Variants in KITLG observed in about 807,000 individuals in gnomAD.
The protein encoded by KITLG is KIT ligand.
Under a neutral mutation model 34.1 loss-of-function variants are expected in KITLG, and 13 were observed. The ratio of observed to expected loss-of-function variants is 0.38; its 90% CI spans 0.25 to 0.61. The LOEUF (loss-of-function observed/expected upper bound fraction) is 0.61, where lower values mean the gene tolerates loss of function less well. Ranked by LOEUF, KITLG falls within the 20% of genes least tolerant of loss-of-function variation. The pLI, the probability that KITLG is intolerant of heterozygous loss-of-function variation, is 0.60. For missense variants in KITLG, 292 were observed against 318.9 expected, an observed-to-expected ratio of 0.92 and a Z score of 0.64; for synonymous variants, 110 against 104.0, an observed-to-expected ratio of 1.06 and a Z score of -0.35.
intron 2 of KITLG, among the ~76,000 whole-genome samples, chr12:88,536,976 G>A (rs1870342181): frequency 6.6e-6 from 1 of 152,058 alleles, no homozygotes; most frequent in Admixed American, 6.6e-5. Flanking sequence ...AGAACTTAAA[G>A]TATAATTTAA....
intron 1 of KITLG, among the ~76,000 whole-genome samples, chr12:88,559,509 A>G (rs965760854): frequency 6.6e-6 from 1 of 152,176 alleles, no homozygotes; most frequent in Non-Finnish European, 1.5e-5. Flanking sequence ...AAAATTCCAC[A>G]GGCCATCAAA....
rs539897090 is a variant in KITLG, at chr12:88,576,573, T to A, written c.15+3691A>T. 9.9e-5 allele frequency among the ~76,000 whole-genome samples: 15 copies of A among 152,274 alleles called. No individual in the cohort carries two copies. The South Asian group carries it at 3.1e-3, about 32-fold the overall frequency. On this transcript the variant is annotated intron_variant, in intron 1 of 9. Transcript: ENST00000644744. Reference sequence around the variant, plus strand: ...AGAAAAATCTTTATAACTTTTATAATCATCATACAGATTACAAAAAACAGA... The same window carrying A: ...AGAAAAATCTTTATAACTTTTATAAACATCATACAGATTACAAAAAACAGA...
At chr12:88,567,128 G>A (rs1871468313) in intron 1 of KITLG, among the ~76,000 whole-genome samples, 1 of 152,096 alleles carries the variant, frequency 6.6e-6, no homozygotes, top group Non-Finnish European at 1.5e-5. Context: ...CTTAAAAGCA[G>A]GGACTTTAAT....
rs921676726 is a variant in KITLG, at chr12:88,525,901, A to G, written c.192+6540T>C. Among the ~76,000 whole-genome samples, 10 of 152,326 alleles carry G rather than the reference A, an allele frequency of 6.6e-5. No individual in the cohort carries two copies. The East Asian group carries it at 1.9e-3, about 29-fold the overall frequency. On this transcript the variant is annotated intron_variant, in intron 3 of 9. Transcript: ENST00000644744. ...AAAGAGCAGAAAATGTCCTTGTGTG[A>G]AAGAGAAATCTTAAACTGACCTTGG...
rs1427001923 is a variant in KITLG at position 88,496,131 on chromosome 12, GAT to G, written c.*1086_*1087del. 6.6e-6 allele frequency: 1 copy of G among 152,106 alleles called. No homozygotes were observed. The highest frequency in any genetic ancestry group is 2.4e-5 in the African/African-American group (1 of 41,412). 9.4% of individuals were successfully genotyped at this position (152,106 alleles called of 1,614,324 possible). A position where few individuals can be genotyped will look rare whatever the true frequency, so the allele number is the denominator to read the frequency against. Reference sequence around the variant, plus strand: ...ATGGATCCTTTAAACAGATAATGGTGATTATACTATAAATAACTAAAGTTTCC... The same window carrying G: ...ATGGATCCTTTAAACAGATAATGGTGTATACTATAAATAACTAAAGTTTCC... On this transcript the variant is annotated 3_prime_UTR_variant, in exon 10 of 10. Coordinates refer to ENST00000644744, the MANE Select transcript of KITLG (RefSeq NM_000899.5).
At chr12:88,540,682 A>G (rs956116109) in intron 2 of KITLG, among the ~76,000 whole-genome samples, 1 of 152,152 alleles carries the variant, frequency 6.6e-6, no homozygotes, top group African/African-American at 2.4e-5. Flanking sequence ...CATATTATCC[A>G]AGTAGTTTAT....
chr12:88,517,054 T>C (rs962351992), intron 4 of KITLG, among the ~76,000 whole-genome samples: 5 of 152,032 alleles, frequency 3.3e-5, no homozygotes, highest in African/African-American at 1.2e-4. Flanking sequence ...CTATTGCACA[T>C]ATATACCATC....
intron 3 of KITLG, among the ~76,000 whole-genome samples, chr12:88,528,492 C>CA (rs1169897064): frequency 2.0e-5 from 3 of 151,162 alleles, no homozygotes; most frequent in Non-Finnish European, 2.9e-5. Flanking sequence ...AAAAGAAATG[C>CA]AAAAAACAAA....
chr12:88,520,814 T>G (rs534367046), intron 3 of KITLG, among the ~76,000 whole-genome samples: 84 of 152,302 alleles, frequency 5.5e-4, no homozygotes, highest in Admixed American at 7.8e-4. Flanking sequence ...CATTTTATAT[T>G]CTAGTTCCTA....
At chr12:88,511,070 TA>T (rs913713777) in intron 6 of KITLG, among the ~76,000 whole-genome samples, 60 of 152,176 alleles carry the variant, frequency 3.9e-4, no homozygotes, top group African/African-American at 1.4e-3. Flanking sequence ...CAAAATTTTT[TA>T]AAAAGGAAGA....
chr12:88,532,105 T>C (rs1052924639), intron 3 of KITLG, among the ~76,000 whole-genome samples: 3 of 152,192 alleles, frequency 2.0e-5, no homozygotes, highest in East Asian at 3.9e-4. Flanking sequence ...ATGCCATTCA[T>C]AGAAATGACT....
At chr12:88,497,960 C>T (rs1868705114) in intron 9 of KITLG, among the ~76,000 whole-genome samples, 1 of 152,100 alleles carries the variant, frequency 6.6e-6, no homozygotes, top group Non-Finnish European at 1.5e-5. Context: ...GGGGAAAGTT[C>T]GTTTGGCCTC....
chr12:88,512,431 C>T (rs1869310717), intron 6 of KITLG, among the ~76,000 whole-genome samples: 2 of 151,814 alleles, frequency 1.3e-5, no homozygotes, highest in Admixed American at 6.6e-5. Flanking sequence ...AACATATATG[C>T]AAGTAGTATC....
At position 88,494,932 on chromosome 12, in the gene KITLG, T is replaced by C. The variant is rs1868569794; in HGVS notation, c.*2287A>G. On this transcript the variant is annotated 3_prime_UTR_variant, in exon 10 of 10. Transcript: ENST00000644744. ...CTCAAAGCAGAAATAACACAGTTAATGTCCAAGCAGCTAGCATCCAAAATA... is the reference window on the plus strand; with the variant it reads ...CTCAAAGCAGAAATAACACAGTTAACGTCCAAGCAGCTAGCATCCAAAATA... The C allele has an allele frequency of 6.6e-6, 1 of 152,010 alleles. No homozygotes were observed. The highest frequency in any genetic ancestry group is 1.5e-5 in the Non-Finnish European group (1 of 67,942). The allele number at this position is 152,010 out of a possible 1,614,324, so 9.4% of individuals were successfully genotyped here.
At chr12:88,570,109 A>G (rs945234825) in intron 1 of KITLG, among the ~76,000 whole-genome samples, 2 of 152,220 alleles carry the variant, frequency 1.3e-5, no homozygotes, top group Non-Finnish European at 2.9e-5. Context: ...ATTTCCAAGA[A>G]GTTATTTTGA....
chr12:88,501,745 T>C (rs1216583135), intron 9 of KITLG, among the ~76,000 whole-genome samples: 1 of 152,220 alleles, frequency 6.6e-6, no homozygotes, highest in Non-Finnish European at 1.5e-5. Context: ...TATGTACTCA[T>C]AGACACATAC....
chr12:88,580,304 C>T lies in KITLG; in HGVS notation c.-26G>A. ...AAGGAAAGGCAGCGCTGCGATCCAGCACAAACAGTGGTGTGGCGACTCCGT... is the reference window on the plus strand; with the variant it reads ...AAGGAAAGGCAGCGCTGCGATCCAGTACAAACAGTGGTGTGGCGACTCCGT... On this transcript the variant is annotated 5_prime_UTR_variant, in exon 1 of 10. Coordinates refer to ENST00000644744, the MANE Select transcript of KITLG (RefSeq NM_000899.5). 1.2e-6 allele frequency: 2 copies of T among 1,610,962 alleles called. No individual in the cohort carries two copies. The highest frequency in any genetic ancestry group is 1.7e-6 in the Non-Finnish European group (2 of 1,178,612).
chr12:88,505,071 T>C (rs1370616959), intron 9 of KITLG, 88 bp downstream of exon 9: 7 of 685,100 alleles, frequency 1.0e-5, no homozygotes, highest in Non-Finnish European at 1.5e-5. Flanking sequence ...TAAACATACG[T>C]AACAAACCTG....
rs1276131169 is a variant in KITLG at position 88,496,639 on chromosome 12, C to T, written c.*580G>A. 6.6e-6 allele frequency: 1 copy of T among 152,626 alleles called. No homozygotes were observed. The highest frequency in any genetic ancestry group is 2.4e-5 in the African/African-American group (1 of 41,460). The allele number at this position is 152,626 out of a possible 1,614,324, so 9.5% of individuals were successfully genotyped here. A position where few individuals can be genotyped will look rare whatever the true frequency, so the allele number is the denominator to read the frequency against. ...AGAGATCGAAATCAGACCCATATCACTAATCGGCAACTATAAAGCTGACAT... is the reference window on the plus strand; with the variant it reads ...AGAGATCGAAATCAGACCCATATCATTAATCGGCAACTATAAAGCTGACAT... On this transcript the variant is annotated 3_prime_UTR_variant, in exon 10 of 10. Transcript: ENST00000644744.
Sources: gnomAD v4.1 joint callset for allele counts (sites outside exome capture counted in the v4.1 genomes callset) on GRCh38, gnomAD v4.1.1 for gene constraint, MANE v1.5 for transcripts, NCBI Gene and HGNC (gene_info 2026-07-23, HGNC 2026-07-21) for gene names.